MIER3: variants seen among roughly 807,000 people sequenced by gnomAD.
MIER3 encodes MIER family member 3.
MIER3 carries 9 observed loss-of-function variants against 63.2 expected under a neutral mutation model. That is an observed-to-expected ratio of 0.14 (90% confidence interval 0.09 to 0.25). MIER3 has a LOEUF of 0.25. Ranked by LOEUF, MIER3 falls within the 10% of genes least tolerant of loss-of-function variation. The pLI is 1.00. For synonymous variants in MIER3, 205 were observed against 224.9 expected (o/e 0.91, Z 0.79); for missense variants, 512 against 666.2 (o/e 0.77, Z 2.55).
chr5:56,944,307 T>TAA (rs553010224), intron 3 of MIER3, among the ~76,000 whole-genome samples: 1 of 141,042 alleles, frequency 7.1e-6, no homozygotes. Context: ...CCGTCTCTAC[T>TAA]AAAAAAAAAA....
intron 8 of MIER3, among the ~76,000 whole-genome samples, chr5:56,931,196 A>C (rs754976106): frequency 2.6e-5 from 4 of 152,262 alleles, no homozygotes; most frequent in Non-Finnish European, 4.4e-5. Flanking sequence ...GACTAGGATT[A>C]TAACGGTCTC....
chr5:56,943,718 T>C (rs544848391), intron 3 of MIER3, among the ~76,000 whole-genome samples: 1 of 152,228 alleles, frequency 6.6e-6, no homozygotes, highest in Non-Finnish European at 1.5e-5. Context: ...AGCCTATTAA[T>C]AAAGCACTTA....
At chr5:56,924,196 C>T (rs907532315) in intron 10 of MIER3, among the ~76,000 whole-genome samples, 154 bp from the exon 11 acceptor site, 1 of 151,892 alleles carries the variant, frequency 6.6e-6, no homozygotes, top group Admixed American at 6.6e-5. Flanking sequence ...GTTCTGAACA[C>T]TTTGATTAGT....
intron 8 of MIER3, among the ~76,000 whole-genome samples, chr5:56,932,460 T>C (rs767478723): frequency 7.2e-5 from 11 of 152,162 alleles, no homozygotes; most frequent in Non-Finnish European, 1.5e-4. Context: ...AAAAACCCAA[T>C]GGGATTTCTT....
At chr5:56,934,606 T>C (rs534051028) in intron 7 of MIER3, among the ~76,000 whole-genome samples, 44 of 152,270 alleles carry the variant, frequency 2.9e-4, no homozygotes, top group African/African-American at 1.1e-3. Flanking sequence ...TAACTGTCTT[T>C]TAACACTTTG....
intron 3 of MIER3, 40 bp from the exon 4 acceptor site, chr5:56,939,057 C>A: frequency 6.2e-7 from 1 of 1,607,000 alleles, no homozygotes; most frequent in South Asian, 1.1e-5. Flanking sequence ...CAGCAGATGT[C>A]ACAATACTGA....
chr5:56,925,094 A>G (rs1056418932), intron 10 of MIER3, among the ~76,000 whole-genome samples: 7 of 152,196 alleles, frequency 4.6e-5, no homozygotes, highest in Non-Finnish European at 7.3e-5. Flanking sequence ...AGTAAATTTC[A>G]TAAGTCATTA....
chr5:56,929,090 A>G (rs936916397), intron 9 of MIER3: 2 of 376,420 alleles, frequency 5.3e-6, no homozygotes, highest in Non-Finnish European at 9.5e-6. Flanking sequence ...AGTCTAGAAT[A>G]CAAAAATATA....
Position 56,933,237 on chromosome 5 carries a change from T to A in MIER3, c.747+10A>T. 1 of 1,573,628 alleles carries A rather than the reference T, an allele frequency of 6.4e-7. No homozygotes were observed. Among genetic ancestry groups the A allele is most frequent in the Non-Finnish European group, 8.6e-7 (1 of 1,161,868 alleles). On this transcript the variant is annotated intron_variant, in intron 8 of 12. Transcript: ENST00000381199. ...AACTGGCTGCTGTTTCAACAGAAGC[T>A]GAAGTATACCTGTTCATTGTCCCTT...
intron 3 of MIER3, chr5:56,941,235 C>T: frequency 1.3e-6 from 1 of 777,308 alleles, no homozygotes; most frequent in Non-Finnish European, 1.6e-6. Flanking sequence ...TCAATTGTGA[C>T]TATAGACAAG....
chr5:56,932,234 T>C (rs530722499), intron 8 of MIER3, among the ~76,000 whole-genome samples: 145 of 152,224 alleles, frequency 9.5e-4, no homozygotes, highest in Middle Eastern at 6.8e-3. Flanking sequence ...CACTCCAGCC[T>C]GGGTGACAGA....
At chr5:56,930,170 A>G (rs1285410468) in intron 9 of MIER3, among the ~76,000 whole-genome samples, 1 of 152,214 alleles carries the variant, frequency 6.6e-6, no homozygotes, top group Non-Finnish European at 1.5e-5. Flanking sequence ...AAATACTGAA[A>G]TAGAAGTTAA....
chr5:56,932,121 A>T (rs372788224), intron 8 of MIER3, among the ~76,000 whole-genome samples: 61 of 152,232 alleles, frequency 4.0e-4, no homozygotes, highest in African/African-American at 1.5e-3. Context: ...TTAGCCAGGC[A>T]TGGTGATGTG....
Position 56,932,780 on chromosome 5 carries a change from T to C in MIER3, c.747+467A>G, listed in dbSNP as rs546005614. Among the ~76,000 whole-genome samples, 4 of 152,248 alleles carry C rather than the reference T, an allele frequency of 2.6e-5. No individual in the cohort carries two copies. The East Asian group carries it at 7.7e-4, about 29-fold the overall frequency. ...CTTTTTAATCACTTCCTAAATAAAG[T>C]TGAGAATAATTCAAAGAATACACTT... On this transcript the variant is annotated intron_variant, in intron 8 of 12. Transcript: ENST00000381199.
chr5:56,943,852 A>T (rs549251739), intron 3 of MIER3, among the ~76,000 whole-genome samples: 2 of 152,264 alleles, frequency 1.3e-5, no homozygotes, highest in South Asian at 4.1e-4. Context: ...GGGTATAAGG[A>T]TTTTTCTCTT....
At position 56,928,963 on chromosome 5, in the gene MIER3, TC is replaced by T; in HGVS notation, c.830-103del. 3.0e-5 allele frequency: 12 copies of T among 399,676 alleles called. 1 individual carries two copies. The Middle Eastern group carries it at 4.8e-3, about 160-fold the overall frequency. 24.8% of individuals were successfully genotyped at this position (399,676 alleles called of 1,614,324 possible). On this transcript the variant is annotated intron_variant, in intron 9 of 12. Coordinates refer to ENST00000381199, the MANE Select transcript of MIER3 (RefSeq NM_001297599.2). ...CCTGTAAAAGGTCACAAACTCTCTC[TC>T]TCTCTCACACACACACACTCTCTCT...
Position 56,923,675 on chromosome 5 carries a change from A to G in MIER3, c.1195+16T>C. On this transcript the variant is annotated intron_variant, in intron 12 of 12. Coordinates refer to ENST00000381199, the MANE Select transcript of MIER3 (RefSeq NM_001297599.2). ...TGCAACAAACTGTACTAAATGCAGA[A>G]AGGTCTTCATTTTACCTGTCAAGTC... The G allele has an allele frequency of 1.9e-6, 3 of 1,614,168 alleles. No individual in the cohort carries two copies. Among genetic ancestry groups the G allele is most frequent in the Non-Finnish European group, 2.5e-6 (3 of 1,180,000 alleles).
chr5:56,942,976 T>TA (rs1160308168), intron 3 of MIER3, among the ~76,000 whole-genome samples: 1 of 151,772 alleles, frequency 6.6e-6, no homozygotes, highest in Non-Finnish European at 1.5e-5. Flanking sequence ...CCCTTCTCTA[T>TA]AAAAAAAATT....
intron 10 of MIER3, among the ~76,000 whole-genome samples, chr5:56,925,105 C>G (rs552226324): frequency 6.6e-6 from 1 of 152,054 alleles, no homozygotes; most frequent in Admixed American, 6.6e-5. Context: ...TAAGTCATTA[C>G]AAAACTGATG....
Sources: gnomAD v4.1 joint callset for allele counts (sites outside exome capture counted in the v4.1 genomes callset) on GRCh38, gnomAD v4.1.1 for gene constraint, MANE v1.5 for transcripts, NCBI Gene and HGNC (gene_info 2026-07-23, HGNC 2026-07-21) for gene names.